The following NFATC2 variants were observed in gnomAD, a reference collection of about 807,000 sequenced individuals.
NFATC2 encodes nuclear factor of activated T cells 2.
Under a neutral mutation model 87.3 loss-of-function variants are expected in NFATC2, and 22 were observed. The ratio of observed to expected loss-of-function variants is 0.25; its 90% CI spans 0.18 to 0.36. The LOEUF is 0.36. NFATC2 is among the 10% of genes least tolerant of loss of function. The pLI is 1.00. For synonymous variants in NFATC2, 565 were observed against 542.2 expected, an observed-to-expected ratio of 1.04 and a Z score of -0.58; for missense variants, 1,149 against 1,259.1, an observed-to-expected ratio of 0.91 and a Z score of 1.32.
At position 51,504,340 on chromosome 20, in the gene NFATC2, T is replaced by C. The variant is rs556294679; in HGVS notation, c.1332+12444A>G. Among the ~76,000 whole-genome samples, 12 of 152,300 alleles carry C rather than the reference T, an allele frequency of 7.9e-5. No homozygotes were observed. The South Asian group carries it at 2.3e-3, about 29-fold the overall frequency. On this transcript the variant is annotated intron_variant, in intron 3 of 10. Transcript: ENST00000371564. ...CAGTAGAGCCGGGGTTTCATCATGT[T>C]GGCCAGGCCAGTCTTGAACTCCCGG...
intron 10 of NFATC2, among the ~76,000 whole-genome samples, chr20:51,397,262 T>TACTA (rs1987303611): frequency 1.3e-5 from 2 of 152,186 alleles, no homozygotes; most frequent in South Asian, 4.2e-4. Flanking sequence ...GCTTTACACT[T>TACTA]ACTAAGTAAC....
intron 3 of NFATC2, among the ~76,000 whole-genome samples, chr20:51,503,208 A>C (rs2076119565): frequency 6.6e-6 from 1 of 152,214 alleles, no homozygotes; most frequent in African/African-American, 2.4e-5. Flanking sequence ...GCTTGTATTA[A>C]TACCTTTCAA....
chr20:51,497,338 T>C (rs2076005835), intron 3 of NFATC2, among the ~76,000 whole-genome samples: 5 of 152,072 alleles, frequency 3.3e-5, no homozygotes, highest in Non-Finnish European at 7.4e-5. Context: ...AAAAGATAAA[T>C]GCAAAAAGAA....
intron 3 of NFATC2, among the ~76,000 whole-genome samples, chr20:51,495,460 T>C (rs1334550220): frequency 6.6e-6 from 1 of 152,148 alleles, no homozygotes; most frequent in African/African-American, 2.4e-5. Flanking sequence ...TTCTCCATAA[T>C]TTAAAGGGGT....
At chr20:51,507,568 C>A (rs1055176761) in intron 3 of NFATC2, among the ~76,000 whole-genome samples, 9 of 152,226 alleles carry the variant, frequency 5.9e-5, no homozygotes, top group African/African-American at 2.2e-4. Flanking sequence ...CTATGCTCAA[C>A]AAACACAAAA....
rs921580411 is a variant in NFATC2, at chr20:51,465,609, G to A, written c.1708+8371C>T. ...GCCTTTGTACTGGCTATACTTCCCC[G>A]TGGACCAATCACTCAGGTCCTGGTG... On this transcript the variant is annotated intron_variant, in intron 5 of 10. Coordinates refer to ENST00000371564, the MANE Select transcript of NFATC2 (RefSeq NM_012340.5). Among the ~76,000 whole-genome samples the A allele has an allele frequency of 1.3e-4, 20 of 152,044 alleles. No individual in the cohort carries two copies. The East Asian group carries it at 1.7e-3, about 13-fold the overall frequency.
chr20:51,432,639 G>T lies in NFATC2; in HGVS notation c.2150C>A (p.Ser717Tyr). 1 of 1,540,130 alleles carries T rather than the reference G, an allele frequency of 6.5e-7. No homozygotes were observed. Among genetic ancestry groups the T allele is most frequent in the South Asian group, 1.3e-5 (1 of 79,434 alleles). Residue 717 changes from serine (S) to tyrosine (Y), a missense_variant, in exon 9 of 11, where the codon TCC becomes TAC. Physicochemically the swap from Ser to Tyr is moderately radical, Grantham distance 144. This residue lies in a region of NFATC2 where 581 missense variants were observed against 649.7 expected (regional missense o/e 0.89). Transcript: ENST00000371564. The surrounding 1 kb of genome is among the most constrained non-coding windows in gnomAD (Gnocchi z 4.6). ...CATGGTGGCCACGAGGCAGGAGGGG[G>T]ACTCGGCCACCATCGGGTGCTGGGG... is the stretch of plus-strand genomic sequence containing the variant. The part of the protein sequence containing the change: ...YYPQHPMVAE[S>Y]PSCLVATMAP...
At chr20:51,505,440 T>C (rs2076162761) in intron 3 of NFATC2, among the ~76,000 whole-genome samples, 1 of 118,280 alleles carries the variant, frequency 8.5e-6, no homozygotes, top group South Asian at 3.1e-4. Context: ...ACACATTGTA[T>C]ATATATGTGT....
intron 5 of NFATC2, among the ~76,000 whole-genome samples, chr20:51,468,632 C>T (rs925605477): frequency 2.0e-5 from 3 of 152,238 alleles, no homozygotes; most frequent in Non-Finnish European, 4.4e-5. Context: ...TGGACATCTC[C>T]TGTCTCATTG....
intron 3 of NFATC2, among the ~76,000 whole-genome samples, chr20:51,515,102 C>T (rs2076330603): frequency 6.6e-6 from 1 of 152,164 alleles, no homozygotes; most frequent in Non-Finnish European, 1.5e-5. Context: ...CCTGGCACCG[C>T]TCAGAGTGCC....
intron 3 of NFATC2, among the ~76,000 whole-genome samples, chr20:51,506,321 A>G (rs1467882251): frequency 6.6e-6 from 1 of 152,238 alleles, no homozygotes; most frequent in African/African-American, 2.4e-5. Context: ...GAGCCATTCC[A>G]CATCATGTGC....
intron 9 of NFATC2, among the ~76,000 whole-genome samples, chr20:51,405,438 TCTCACCGTGC>T (rs1053044229): frequency 1.3e-5 from 2 of 150,842 alleles, no homozygotes; most frequent in African/African-American, 4.9e-5. Flanking sequence ...ACACGTGTCA[TCTCACCGTGC>T]CTCACCAGCA....
intron 1 of NFATC2, among the ~76,000 whole-genome samples, chr20:51,526,352 ATAC>A (rs1027000177): frequency 4.6e-5 from 7 of 152,278 alleles, no homozygotes; most frequent in African/African-American, 1.7e-4. Flanking sequence ...GCTTGCTCCT[ATAC>A]TACAACAGCA....
At chr20:51,444,683 T>A (rs1432406697) in intron 6 of NFATC2, among the ~76,000 whole-genome samples, 1 of 152,190 alleles carries the variant, frequency 6.6e-6, no homozygotes, top group Non-Finnish European at 1.5e-5. Context: ...CACATGATGC[T>A]TCCCAGTCCT....
In NFATC2 at chr20:51,432,361, C is replaced by G; in HGVS notation, c.2428G>C (p.Val810Leu). The G allele has an allele frequency of 1.2e-6, 2 of 1,613,352 alleles. No homozygotes were observed. Among genetic ancestry groups the G allele is most frequent in the Non-Finnish European group, 1.7e-6 (2 of 1,179,580 alleles). ...PSPTNQQASP[V>L]IHYSPTNQQL... ...TGGTTGGTGGGTGAGTAGTGGATCA[C>G]AGGCGAGGCCTGCTGGTTGGTCGGA... The change falls in exon 9 of 11, where the codon GTG becomes CTG. Residue 810 changes from valine to leucine, a missense_variant. Physicochemically the swap from Val to Leu is conservative, Grantham distance 32. Transcript: ENST00000371564. This position sits in a 1 kb window ranked among gnomAD's most constrained non-coding sequence, Gnocchi z 4.6.
chr20:51,517,075 A>C, intron 2 of NFATC2, 120 bp from the exon 3 acceptor site: 1 of 1,042,614 alleles, frequency 9.6e-7, no homozygotes, highest in Non-Finnish European at 1.4e-6. Flanking sequence ...CTCAACAATG[A>C]GGATACGTTC....
intron 9 of NFATC2, among the ~76,000 whole-genome samples, chr20:51,425,090 G>A (rs1018152652): frequency 6.6e-6 from 1 of 152,076 alleles, no homozygotes; most frequent in African/African-American, 2.4e-5. Context: ...GGGGTGGGGG[G>A]TTGGTAATAA....
Position 51,523,252 on chromosome 20 carries a change from G to A in NFATC2, c.989C>T (p.Ser330Leu), listed in dbSNP as rs751579145. The change falls in exon 2 of 11, where the codon TCG becomes TTG. Residue 330 changes from serine (S) to leucine (L), a missense_variant. Physicochemically the swap from Ser to Leu is moderately radical, Grantham distance 145. This residue lies in a region of NFATC2 where 563 missense variants were observed against 585.2 expected (regional missense o/e 0.96). Coordinates refer to ENST00000371564, the MANE Select transcript of NFATC2 (RefSeq NM_012340.5). This position sits in a 1 kb window ranked among gnomAD's most constrained non-coding sequence, Gnocchi z 6.9. The stretch of plus-strand genomic sequence containing the variant: ...CTTGGATGGGGCGGCAGACACCGGC[G>A]AGGGGTCAGGGCTGGTCTTCCACAT... ...PKMWKTSPDP[S>L]PVSAAPSKAG... 3 of 1,613,770 alleles carry A rather than the reference G, an allele frequency of 1.9e-6. No homozygotes were observed. The highest frequency in any genetic ancestry group is 3.3e-5 in the Admixed American group (2 of 60,010).
intron 3 of NFATC2, among the ~76,000 whole-genome samples, chr20:51,481,593 G>A (rs920943896): frequency 5.3e-5 from 8 of 152,194 alleles, no homozygotes; most frequent in South Asian, 4.1e-4. Flanking sequence ...CTGAATGCAC[G>A]GGAGGGGAGT....
Sources: allele counts gnomAD v4.1 joint callset (sites outside exome capture counted in the v4.1 genomes callset), GRCh38; gene constraint gnomAD v4.1.1; regional missense constraint gnomAD v4.1.1; non-coding constraint Gnocchi (gnomAD v3.1); transcripts MANE v1.5; gene names NCBI Gene and HGNC (gene_info 2026-07-23, HGNC 2026-07-21).